PRKCE: variants seen among roughly 807,000 people sequenced by gnomAD.
PRKCE encodes the protein protein kinase C epsilon type.
Under a neutral mutation model 85.4 loss-of-function variants are expected in PRKCE, and 16 were observed. The ratio of observed to expected loss-of-function variants is 0.19; its 90% CI spans 0.13 to 0.28. The LOEUF is 0.28. PRKCE is among the 10% of genes least tolerant of loss of function. The pLI is 1.00. For synonymous variants in PRKCE, 388 were observed against 371.5 expected (o/e 1.04, Z -0.51); for missense variants, 573 against 975.2 (o/e 0.59, Z 5.49).
intron 1 of PRKCE, among the ~76,000 whole-genome samples, chr2:45,815,901 G>A (rs1037258642): frequency 6.6e-6 from 1 of 152,156 alleles, no homozygotes; most frequent in African/African-American, 2.4e-5. Flanking sequence ...TGGGAGCACT[G>A]GTATCCATTC....
intron 2 of PRKCE, among the ~76,000 whole-genome samples, chr2:45,864,344 C>A (rs1190783168): frequency 6.6e-6 from 1 of 152,220 alleles, no homozygotes; most frequent in African/African-American, 2.4e-5. Context: ...GAAAGCCTAA[C>A]AATAACTGCC....
chr2:45,778,633 C>G (rs73926085), intron 1 of PRKCE, among the ~76,000 whole-genome samples: 9,510 of 152,134 alleles, frequency 0.063, 751 homozygotes, highest in African/African-American at 0.18. Flanking sequence ...TCCTCTAACT[C>G]GGTGCATTTC....
intron 2 of PRKCE, among the ~76,000 whole-genome samples, chr2:45,931,271 G>A (rs961059609): frequency 6.6e-6 from 1 of 152,208 alleles, no homozygotes; most frequent in South Asian, 2.1e-4. Flanking sequence ...TTTATGACAT[G>A]CCTGGCTTTG....
intron 1 of PRKCE, among the ~76,000 whole-genome samples, chr2:45,693,801 G>A (rs182986359): frequency 1.5e-4 from 23 of 152,272 alleles, no homozygotes; most frequent in Non-Finnish European, 2.6e-4. Flanking sequence ...GAAGAAGCAG[G>A]TTAAAGAGAA....
intron 2 of PRKCE, among the ~76,000 whole-genome samples, chr2:45,967,799 A>G (rs187883572): frequency 1.3e-5 from 2 of 152,122 alleles, no homozygotes; most frequent in Non-Finnish European, 2.9e-5. Flanking sequence ...CCTGATAGAT[A>G]AGATAGGAAA....
rs889042733 is a variant in PRKCE, at chr2:46,001,963, C to A, written c.966+417C>A. 6.6e-6 allele frequency among the ~76,000 whole-genome samples: 1 copy of A among 152,188 alleles called. No individual in the cohort carries two copies. The highest frequency in any genetic ancestry group is 1.5e-5 in the Non-Finnish European group (1 of 68,036). Reference sequence around the variant, plus strand: ...ATGGGTGAAGAACTGGAACCACATTCTTTTCTAGGGAGGAAGCCAAGATGA... The same window carrying A: ...ATGGGTGAAGAACTGGAACCACATTATTTTCTAGGGAGGAAGCCAAGATGA... On this transcript the variant is annotated intron_variant, in intron 7 of 14. Transcript: ENST00000306156. The surrounding 1 kb of genome is among the most constrained non-coding windows in gnomAD (Gnocchi z 4.4).
chr2:45,729,703 G>A (rs1681401803), intron 1 of PRKCE, among the ~76,000 whole-genome samples: 1 of 152,180 alleles, frequency 6.6e-6, no homozygotes, highest in Non-Finnish European at 1.5e-5. Flanking sequence ...TTAAGTTTGA[G>A]CAGAAAATAT....
intron 1 of PRKCE, among the ~76,000 whole-genome samples, chr2:45,781,103 C>A (rs567900543): frequency 9.9e-5 from 15 of 151,988 alleles, no homozygotes; most frequent in African/African-American, 3.4e-4. Flanking sequence ...GAGGCTGAGG[C>A]GGGAGGATCA....
At chr2:45,992,477 G>A (rs1441019054) in intron 6 of PRKCE, among the ~76,000 whole-genome samples, 3 of 152,132 alleles carry the variant, frequency 2.0e-5, no homozygotes, top group African/African-American at 4.8e-5. Flanking sequence ...ACGACTTTGC[G>A]GTCGTTCACT....
rs1680531201 is a variant in PRKCE, at chr2:46,187,510, G to A, written c.*2629G>A. On this transcript the variant is annotated 3_prime_UTR_variant, in exon 15 of 15. Transcript: ENST00000306156. ...AAATAGACACACTGTTAACACTTCT[G>A]CCAGTTTTTTCTGATCTTTCCAGCC... is the stretch of plus-strand genomic sequence containing the variant. The A allele has an allele frequency of 6.6e-6, 1 of 152,156 alleles. No homozygotes were observed. Among genetic ancestry groups the A allele is most frequent in the African/African-American group, 2.4e-5 (1 of 41,242 alleles). The allele number at this position is 152,156 out of a possible 1,614,324, so 9.4% of individuals were successfully genotyped here.
intron 2 of PRKCE, among the ~76,000 whole-genome samples, chr2:45,957,857 A>T (rs1181499379): frequency 2.0e-5 from 3 of 151,230 alleles, no homozygotes; most frequent in Admixed American, 1.3e-4. Flanking sequence ...GGCTGCAGTG[A>T]GCTGTGATTA....
In PRKCE at chr2:46,001,886, A is replaced by G. The variant is rs1348739405; in HGVS notation, c.966+340A>G. 3.3e-5 allele frequency among the ~76,000 whole-genome samples: 5 copies of G among 152,224 alleles called. No individual in the cohort carries two copies. The highest frequency in any genetic ancestry group is 7.3e-5 in the Non-Finnish European group (5 of 68,032). Reference sequence around the variant, plus strand: ...TTATCTGCTTCCAGAACTGGCATGAAAGCAATGTCAGTGTCTGAACTTCAC... The same window carrying G: ...TTATCTGCTTCCAGAACTGGCATGAGAGCAATGTCAGTGTCTGAACTTCAC... On this transcript the variant is annotated intron_variant, in intron 7 of 14. Coordinates refer to ENST00000306156, the MANE Select transcript of PRKCE (RefSeq NM_005400.3). The surrounding 1 kb of genome is among the most constrained non-coding windows in gnomAD (Gnocchi z 4.4).
intron 2 of PRKCE, among the ~76,000 whole-genome samples, chr2:45,918,521 G>C (rs1698004064): frequency 6.6e-6 from 1 of 152,174 alleles, no homozygotes; most frequent in Non-Finnish European, 1.5e-5. Context: ...AACAGAAAAG[G>C]GTTCGGACAA....
At chr2:45,656,160 G>C (rs1558530057) in intron 1 of PRKCE, among the ~76,000 whole-genome samples, 1 of 152,182 alleles carries the variant, frequency 6.6e-6, no homozygotes, top group Non-Finnish European at 1.5e-5. Context: ...TTAAAAAATT[G>C]ATTCTTTTAT....
intron 2 of PRKCE, among the ~76,000 whole-genome samples, chr2:45,899,074 C>T (rs552022296): frequency 1.4e-4 from 22 of 152,342 alleles, no homozygotes; most frequent in African/African-American, 5.3e-4. Flanking sequence ...ATAGCGCCTT[C>T]TCTTTAGAAT....
intron 1 of PRKCE, among the ~76,000 whole-genome samples, chr2:45,710,121 C>T (rs1175045785): frequency 6.6e-6 from 1 of 152,220 alleles, no homozygotes. Flanking sequence ...ATTAACACGT[C>T]CATAGCACTG....
chr2:45,651,918 A>C lies in PRKCE; in HGVS notation c.-183A>C. On this transcript the variant is annotated 5_prime_UTR_variant, in exon 1 of 15. Coordinates refer to ENST00000306156, the MANE Select transcript of PRKCE (RefSeq NM_005400.3). ...TTTTCCGTTAGGAACCCGGCGAGGAAATACATGCACTGGCTGAGAATCGCC... is the reference window on the plus strand; with the variant it reads ...TTTTCCGTTAGGAACCCGGCGAGGACATACATGCACTGGCTGAGAATCGCC... 1.2e-5 allele frequency: 6 copies of C among 494,962 alleles called. No homozygotes were observed. Among genetic ancestry groups the C allele is most frequent in the Non-Finnish European group, 1.8e-5 (5 of 281,354 alleles). The allele number at this position is 494,962 out of a possible 1,614,324, so 30.7% of individuals were successfully genotyped here.
chr2:45,958,754 C>G (rs1429528594), intron 2 of PRKCE, among the ~76,000 whole-genome samples: 2 of 121,444 alleles, frequency 1.6e-5, no homozygotes, highest in African/African-American at 6.2e-5. Flanking sequence ...GTCTGAAAGA[C>G]AGAAACACCA....
intron 1 of PRKCE, among the ~76,000 whole-genome samples, chr2:45,838,231 G>C (rs1214423021): frequency 3.3e-5 from 5 of 152,202 alleles, no homozygotes; most frequent in Non-Finnish European, 7.3e-5. Flanking sequence ...GAAGGAAGGA[G>C]ACTGCACCTC....
Sources: gnomAD v4.1 joint callset for allele counts (sites outside exome capture counted in the v4.1 genomes callset) on GRCh38, gnomAD v4.1.1 for gene constraint, Gnocchi (gnomAD v3.1) non-coding constraint, MANE v1.5 for transcripts, NCBI Gene and HGNC (gene_info 2026-07-23, HGNC 2026-07-21) for gene names.